The following GATAD2B variants were observed in gnomAD, a reference collection of about 807,000 sequenced individuals.
GATAD2B encodes the protein transcriptional repressor p66-beta.
In GATAD2B, 8 loss-of-function variants were observed where a neutral mutation model predicts 64.3. That is an observed-to-expected ratio of 0.12 (90% CI 0.07 to 0.22). The LOEUF is 0.22. Among genes scored for constraint, GATAD2B ranks in the 10% least tolerant of loss-of-function variants. The probability of loss-of-function intolerance (pLI) is 1.00; values close to 1 mark genes in which losing one functional copy is unlikely to be tolerated. For synonymous variants in GATAD2B, 281 were observed against 271.3 expected (o/e 1.04, Z -0.35); for missense variants, 453 against 752.0 (o/e 0.60, Z 4.65).
intron 1 of GATAD2B, among the ~76,000 whole-genome samples, chr1:153,895,993 T>A (rs1398031784): frequency 1.2e-4 from 16 of 128,612 alleles, no homozygotes; most frequent in Non-Finnish European, 1.9e-4. Flanking sequence ...GACTCTGTCT[T>A]AAAAAAAAAA....
chr1:153,845,865 T>C (rs1675667324), intron 1 of GATAD2B, among the ~76,000 whole-genome samples: 1 of 152,112 alleles, frequency 6.6e-6, no homozygotes, highest in Non-Finnish European at 1.5e-5. Flanking sequence ...AGCTCTGGTG[T>C]TTGAGACTGC....
intron 9 of GATAD2B, 51 bp downstream of exon 9, chr1:153,811,971 A>G: frequency 2.3e-6 from 3 of 1,326,630 alleles, no homozygotes; most frequent in Non-Finnish European, 3.3e-6. Flanking sequence ...ATTGTGATAA[A>G]TGGCTGATAA....
chr1:153,906,139 G>A (rs1399337539), intron 1 of GATAD2B, among the ~76,000 whole-genome samples: 1 of 151,548 alleles, frequency 6.6e-6, no homozygotes, highest in Non-Finnish European at 1.5e-5. Context: ...GCCAGGCGTG[G>A]TGGCTCATAC....
intron 1 of GATAD2B, among the ~76,000 whole-genome samples, chr1:153,864,752 G>A (rs936684003): frequency 6.6e-6 from 1 of 152,210 alleles, no homozygotes; most frequent in Non-Finnish European, 1.5e-5. Flanking sequence ...CCCATTCTAT[G>A]AATGAAAAAA....
At chr1:153,852,586 G>A in intron 1 of GATAD2B, 2 of 777,130 alleles carry the variant, frequency 2.6e-6, no homozygotes, top group Non-Finnish European at 2.4e-6. Flanking sequence ...TGAGCATCCT[G>A]AATTTTCTGA....
rs1674205700 is a variant in GATAD2B at position 153,809,195 on chromosome 1, G to A, written c.*982C>T. 1.3e-5 allele frequency: 2 copies of A among 152,130 alleles called. No homozygotes were observed. Among genetic ancestry groups the A allele is most frequent in the African/African-American group, 4.8e-5 (2 of 41,402 alleles). 9.4% of individuals were successfully genotyped at this position (152,130 alleles called of 1,614,324 possible). Reference sequence around the variant, plus strand: ...TTATAGATGGGGCTATGGTTAGAGGGGATAGATTAGAATTTTTAAAAGCAG... The same window carrying A: ...TTATAGATGGGGCTATGGTTAGAGGAGATAGATTAGAATTTTTAAAAGCAG... On this transcript the variant is annotated 3_prime_UTR_variant, in exon 11 of 11. Transcript: ENST00000368655.
chr1:153,863,229 C>A (rs1300538924), intron 1 of GATAD2B, among the ~76,000 whole-genome samples: 1 of 152,012 alleles, frequency 6.6e-6, no homozygotes, highest in East Asian at 1.9e-4. Context: ...GCCTGTGACC[C>A]CAACAGTTTG....
intron 1 of GATAD2B, among the ~76,000 whole-genome samples, chr1:153,894,732 C>T (rs557134760): frequency 6.6e-6 from 1 of 152,288 alleles, no homozygotes; most frequent in South Asian, 2.1e-4. Flanking sequence ...CATGGTGGCA[C>T]GCGCCTGCAG....
At chr1:153,884,557 G>A (rs542880543) in intron 1 of GATAD2B, among the ~76,000 whole-genome samples, 10 of 152,266 alleles carry the variant, frequency 6.6e-5, no homozygotes, top group African/African-American at 2.2e-4. Context: ...AGCCGAGATC[G>A]TGCCACTGCA....
intron 1 of GATAD2B, among the ~76,000 whole-genome samples, chr1:153,833,906 A>C (rs1309338089): frequency 6.6e-6 from 1 of 152,040 alleles, no homozygotes; most frequent in African/African-American, 2.4e-5. Flanking sequence ...TTCGAGGCCA[A>C]CGTGGGAGGA....
chr1:153,857,137 CAT>C (rs10563350), intron 1 of GATAD2B, among the ~76,000 whole-genome samples: 92 of 98,018 alleles, frequency 9.4e-4, no homozygotes, highest in Admixed American at 1.3e-3. Context: ...TATGCATATG[CAT>C]ATATATATAT....
intron 1 of GATAD2B, among the ~76,000 whole-genome samples, chr1:153,911,381 G>C (rs1678104209): frequency 6.6e-6 from 1 of 152,042 alleles, no homozygotes; most frequent in Non-Finnish European, 1.5e-5. Context: ...CACAGTTTAG[G>C]CAGCTCATTA....
At chr1:153,826,454 C>A (rs149151784) in intron 2 of GATAD2B, among the ~76,000 whole-genome samples, 1,834 of 151,930 alleles carry the variant, frequency 0.012, 16 homozygotes, top group Non-Finnish European at 0.016. Flanking sequence ...CATGGTGAAA[C>A]CCCATCTCTA....
At chr1:153,818,717 C>G in intron 4 of GATAD2B, 74 bp downstream of exon 4, 1 of 1,398,332 alleles carries the variant, frequency 7.2e-7, no homozygotes, top group African/African-American at 1.4e-5. Flanking sequence ...CCAACTGAAC[C>G]TACCTGGGGG....
At chr1:153,898,827 TCTAA>T (rs1677681723) in intron 1 of GATAD2B, 1 of 152,198 alleles carries the variant, frequency 6.6e-6, no homozygotes, top group African/African-American at 2.4e-5. Flanking sequence ...AGCAAAGTAA[TCTAA>T]CTTTTATTAG....
chr1:153,853,689 G>A (rs1054390336), intron 1 of GATAD2B, among the ~76,000 whole-genome samples: 1 of 152,136 alleles, frequency 6.6e-6, no homozygotes, highest in Non-Finnish European at 1.5e-5. Context: ...CAAGACCAAT[G>A]TCATAATGCT....
intron 1 of GATAD2B, among the ~76,000 whole-genome samples, chr1:153,877,098 G>C (rs1327653943): frequency 6.6e-6 from 1 of 152,176 alleles, no homozygotes; most frequent in Non-Finnish European, 1.5e-5. Flanking sequence ...ACTTTGGGGG[G>C]CTAAGGCAGA....
intron 1 of GATAD2B, among the ~76,000 whole-genome samples, chr1:153,900,174 T>C (rs1015026835): frequency 1.3e-5 from 2 of 152,132 alleles, no homozygotes; most frequent in East Asian, 1.9e-4. Flanking sequence ...TCCCAGCACT[T>C]TGGGAGGCCG....
At position 153,922,751 on chromosome 1, in the gene GATAD2B, C is replaced by G. The variant is rs1025237180; in HGVS notation, c.-20G>C. ...TCCTCACCTGGCGGTGGCGGTGTAA[C>G]TCCCGGCTAGCTCGCCTCCTCAGGC... On this transcript the variant is annotated 5_prime_UTR_variant, in exon 1 of 11. Transcript: ENST00000368655. The G allele has an allele frequency of 3.9e-5, 6 of 152,882 alleles. 1 individual carries two copies. The highest frequency in any genetic ancestry group is 1.4e-4 in the African/African-American group (6 of 41,400). 9.5% of individuals were successfully genotyped at this position (152,882 alleles called of 1,614,324 possible).
Sources: gnomAD v4.1 joint callset for allele counts (sites outside exome capture counted in the v4.1 genomes callset) on GRCh38, gnomAD v4.1.1 for gene constraint, MANE v1.5 for transcripts, NCBI Gene and HGNC (gene_info 2026-07-23, HGNC 2026-07-21) for gene names.